NAALADL2: variants seen among roughly 807,000 people sequenced by gnomAD.
The protein encoded by NAALADL2 is N-acetylated alpha-linked acidic dipeptidase like 2.
Under a neutral mutation model 87.2 loss-of-function variants are expected in NAALADL2, and 76 were observed. The ratio of observed to expected loss-of-function variants is 0.87; its 90% CI spans 0.72 to 1.05. NAALADL2 has a LOEUF of 1.05. NAALADL2 is among the 50% of genes least tolerant of loss of function. The probability of loss-of-function intolerance (pLI) is 0.00; values close to 1 mark genes in which losing one functional copy is unlikely to be tolerated. For synonymous variants in NAALADL2, 354 were observed against 331.0 expected (o/e 1.07, Z -0.75); for missense variants, 1,089 against 945.8 (o/e 1.15, Z -1.99).
chr3:175,167,372 T>TA (rs1275779152), intron 2 of NAALADL2, among the ~76,000 whole-genome samples: 1 of 152,102 alleles, frequency 6.6e-6, no homozygotes, highest in African/African-American at 2.4e-5. Context: ...GACTTCTGAC[T>TA]ACATATAAAA....
chr3:174,451,883 C>G (rs1715515404), intron 1 of NAALADL2, among the ~76,000 whole-genome samples: 1 of 126,496 alleles, frequency 7.9e-6, no homozygotes, highest in African/African-American at 3.0e-5. Context: ...GAGTCTGTCA[C>G]CCAAGTTGGA....
intron 1 of NAALADL2, among the ~76,000 whole-genome samples, chr3:174,990,044 A>G (rs1265067987): frequency 6.6e-6 from 1 of 152,174 alleles, no homozygotes; most frequent in Non-Finnish European, 1.5e-5. Context: ...GAAAAAAAAT[A>G]TGGTGTTTTG....
At chr3:175,466,910 T>C in intron 7 of NAALADL2, 69 bp from the exon 8 acceptor site, 1 of 1,262,960 alleles carries the variant, frequency 7.9e-7, no homozygotes, top group Admixed American at 1.7e-5. Flanking sequence ...TAGAATTATG[T>C]AAATGTCATT....
intron 2 of NAALADL2, among the ~76,000 whole-genome samples, chr3:174,600,020 G>A (rs1460886737): frequency 1.3e-5 from 2 of 151,978 alleles, no homozygotes; most frequent in East Asian, 1.9e-4. Context: ...AACTTAGATA[G>A]GAATAGCATT....
chr3:175,760,534 T>C (rs1248027657), intron 13 of NAALADL2, among the ~76,000 whole-genome samples: 1 of 152,168 alleles, frequency 6.6e-6, no homozygotes, highest in African/African-American at 2.4e-5. Context: ...TAAGTGAAAG[T>C]ATGTTGAAAA....
intron 2 of NAALADL2, among the ~76,000 whole-genome samples, chr3:174,556,380 C>T (rs1414799433): frequency 2.0e-5 from 3 of 151,948 alleles, no homozygotes; most frequent in Non-Finnish European, 2.9e-5. Flanking sequence ...GTTCTTTTGC[C>T]TTAGATTTTC....
intron 2 of NAALADL2, among the ~76,000 whole-genome samples, chr3:174,675,157 T>C (rs913990707): frequency 6.6e-6 from 1 of 152,126 alleles, no homozygotes; most frequent in Non-Finnish European, 1.5e-5. Flanking sequence ...AAGAGATGGT[T>C]TGTTCCTTTA....
At chr3:174,625,057 C>CTT (rs1553802468) in intron 2 of NAALADL2, among the ~76,000 whole-genome samples, 32 of 78,836 alleles carry the variant, frequency 4.1e-4, no homozygotes, top group South Asian at 6.4e-4. Flanking sequence ...CTCTCTCTCT[C>CTT]TTTTTTTTTT....
At chr3:175,702,547 G>A (rs1237643407) in intron 11 of NAALADL2, among the ~76,000 whole-genome samples, 1 of 151,978 alleles carries the variant, frequency 6.6e-6, no homozygotes, top group African/African-American at 2.4e-5. Flanking sequence ...AAGAAAAATA[G>A]CACTATATTG....
At chr3:175,050,895 T>G (rs1755295896) in intron 1 of NAALADL2, among the ~76,000 whole-genome samples, 1 of 152,132 alleles carries the variant, frequency 6.6e-6, no homozygotes, top group Non-Finnish European at 1.5e-5. Context: ...CATGTATCGA[T>G]AAGATGAAAA....
chr3:175,070,388 G>A (rs1715408961), intron 1 of NAALADL2, among the ~76,000 whole-genome samples: 1 of 151,914 alleles, frequency 6.6e-6, no homozygotes, highest in Admixed American at 6.6e-5. Context: ...CATATAATGA[G>A]AATCTCCTAG....
intron 4 of NAALADL2, among the ~76,000 whole-genome samples, chr3:175,287,783 A>G (rs963746900): frequency 1.3e-5 from 2 of 152,236 alleles, no homozygotes; most frequent in African/African-American, 4.8e-5. Context: ...TTGAATCTCC[A>G]GTGTCTAGAA....
At chr3:175,642,539 C>A (rs921825807) in intron 11 of NAALADL2, among the ~76,000 whole-genome samples, 13 of 148,768 alleles carry the variant, frequency 8.7e-5, no homozygotes, top group African/African-American at 3.3e-4. Flanking sequence ...CTCGCTCTGT[C>A]GCCCAGGTTG....
At chr3:175,626,553 A>G (rs909525474) in intron 10 of NAALADL2, among the ~76,000 whole-genome samples, 2 of 151,832 alleles carry the variant, frequency 1.3e-5, no homozygotes, top group Non-Finnish European at 2.9e-5. Context: ...TTCTCTGACA[A>G]AAGAAACCAG....
At chr3:175,463,736 G>GAGAGA (rs1560592659) in intron 7 of NAALADL2, among the ~76,000 whole-genome samples, 1 of 145,210 alleles carries the variant, frequency 6.9e-6, no homozygotes, top group African/African-American at 2.6e-5. Context: ...GAGAGAGAGA[G>GAGAGA]GTGGGGATCT....
chr3:175,563,582 T>G (rs1430258402), intron 9 of NAALADL2, among the ~76,000 whole-genome samples: 1 of 152,204 alleles, frequency 6.6e-6, no homozygotes, highest in African/African-American at 2.4e-5. Context: ...AGATAATAAG[T>G]GGATTGACCT....
intron 9 of NAALADL2, among the ~76,000 whole-genome samples, chr3:175,532,043 C>T (rs921522438): frequency 8.5e-5 from 13 of 152,170 alleles, no homozygotes; most frequent in African/African-American, 3.1e-4. Context: ...CTCACCCTAC[C>T]AGTCAGGGAG....
At chr3:174,866,260 T>A (rs955571854) in intron 1 of NAALADL2, among the ~76,000 whole-genome samples, 1 of 151,804 alleles carries the variant, frequency 6.6e-6, no homozygotes, top group East Asian at 1.9e-4. Flanking sequence ...ATTAAAATTG[T>A]TATAGAGAGA....
intron 5 of NAALADL2, among the ~76,000 whole-genome samples, chr3:175,374,240 C>T (rs564710602): frequency 2.0e-5 from 3 of 151,780 alleles, no homozygotes; most frequent in African/African-American, 7.2e-5. Flanking sequence ...AATACGTTTT[C>T]TTATTTTTTC....
Sources: allele counts gnomAD v4.1 joint callset (sites outside exome capture counted in the v4.1 genomes callset), GRCh38; gene constraint gnomAD v4.1.1; transcripts MANE v1.5; gene names NCBI Gene and HGNC (gene_info 2026-07-23, HGNC 2026-07-21).